The following FAM240C variants were observed in gnomAD, a reference collection of about 807,000 sequenced individuals.
FAM240C encodes the protein family with sequence similarity 240 member C, also known as protein FAM240C.
In FAM240C, 14 loss-of-function variants were observed where a neutral mutation model predicts 10.0. The observed-to-expected ratio is 1.40, with a 90% CI of 0.92 to 2.19. FAM240C has a LOEUF of 2.19. Ranked by LOEUF, FAM240C falls within the 30% of genes most tolerant of loss-of-function variation. The probability of loss-of-function intolerance (pLI) is 0.00; values close to 1 mark genes in which losing one functional copy is unlikely to be tolerated. For missense variants in FAM240C, 154 were observed against 122.3 expected (o/e 1.26, Z -1.22); for synonymous variants, 49 against 44.3 (o/e 1.11, Z -0.42).
intron 1 of FAM240C, among the ~76,000 whole-genome samples, chr2:241,897,536 A>C (rs1701883112): frequency 6.6e-6 from 1 of 152,072 alleles, no homozygotes; most frequent in African/African-American, 2.4e-5. Context: ...TAAACGCTCT[A>C]CCGGCTCCAC....
intron 2 of FAM240C, among the ~76,000 whole-genome samples, chr2:241,896,938 G>A (rs1465783332): frequency 6.6e-6 from 1 of 151,748 alleles, no homozygotes; most frequent in Non-Finnish European, 1.5e-5. Flanking sequence ...TGAGCTCCTG[G>A]TCTCACGGTT....
chr2:241,897,531 G>A (rs958902614), intron 1 of FAM240C, among the ~76,000 whole-genome samples, 197 bp from the exon 2 acceptor site: 2 of 152,100 alleles, frequency 1.3e-5, no homozygotes, highest in South Asian at 2.1e-4. Context: ...GCTCCTAAAC[G>A]CTCTACCGGC....
chr2:241,901,921 A>C (rs1701992135), upstream of FAM240C, among the ~76,000 whole-genome samples: 1 of 152,328 alleles, frequency 6.6e-6, no homozygotes, highest in Middle Eastern at 3.4e-3. The surrounding 1 kb of genome is among the most constrained non-coding windows in gnomAD (Gnocchi z 4.9). Context: ...CTACACTTCA[A>C]AACTTGTCCT....
chr2:241,900,430 G>T lies in FAM240C; in HGVS notation c.-61C>A. On this transcript the variant is annotated 5_prime_UTR_variant, in exon 1 of 3. Transcript: ENST00000404031. This position sits in a 1 kb window ranked among gnomAD's most constrained non-coding sequence, Gnocchi z 4.5. ...AGGGTCCTCAGCCTGTCCTCTCCGGGGTGCACGCCTGTATCTCGCCTGCCG... is the reference window on the plus strand; with the variant it reads ...AGGGTCCTCAGCCTGTCCTCTCCGGTGTGCACGCCTGTATCTCGCCTGCCG... The T allele has an allele frequency of 1.4e-6, 1 of 715,342 alleles. No individual in the cohort carries two copies. The highest frequency in any genetic ancestry group is 2.6e-6 in the Non-Finnish European group (1 of 384,216). The allele number at this position is 715,342 out of a possible 1,614,324, so 44.3% of individuals were successfully genotyped here.
intron 1 of FAM240C, among the ~76,000 whole-genome samples, chr2:241,899,909 T>C (rs1701940130): frequency 6.6e-6 from 1 of 151,746 alleles, no homozygotes; most frequent in Non-Finnish European, 1.5e-5. Flanking sequence ...TCACTAAAAA[T>C]ACAAAAAATT....
chr2:241,899,553 G>A lies in FAM240C; in HGVS notation c.12+805C>T, dbSNP rs144771466. On this transcript the variant is annotated intron_variant, in intron 1 of 2. Transcript: ENST00000404031. ...TCTGGTGTCTGGGCAGACGCCTCCCGGAGTGAAGCTGGGGCTGGTGTCAGA... is the reference window on the plus strand; with the variant it reads ...TCTGGTGTCTGGGCAGACGCCTCCCAGAGTGAAGCTGGGGCTGGTGTCAGA... Among the ~76,000 whole-genome samples the A allele has an allele frequency of 2.6e-3, 394 of 152,338 alleles. 1 individual carries two copies. The highest frequency in any genetic ancestry group is 8.8e-3 in the African/African-American group (367 of 41,580).
chr2:241,894,927 G>A (rs1480287955), intron 2 of FAM240C, among the ~76,000 whole-genome samples: 2 of 152,212 alleles, frequency 1.3e-5, no homozygotes, highest in Non-Finnish European at 2.9e-5. Context: ...CGGACCTGGC[G>A]GCAGGAATGG....
At chr2:241,895,186 C>T (rs1020996457) in intron 2 of FAM240C, among the ~76,000 whole-genome samples, 1 of 152,226 alleles carries the variant, frequency 6.6e-6, no homozygotes, top group South Asian at 2.1e-4. Context: ...TGATGGTCCC[C>T]GAGCAACAGC....
intron 2 of FAM240C, among the ~76,000 whole-genome samples, chr2:241,894,810 C>A (rs547435342): frequency 4.6e-4 from 70 of 152,320 alleles, no homozygotes; most frequent in African/African-American, 1.7e-3. Flanking sequence ...GCACCCTGCC[C>A]GGCTGCCTGT....
At chr2:241,895,256 A>C (rs571675181) in intron 2 of FAM240C, among the ~76,000 whole-genome samples, 1 of 145,134 alleles carries the variant, frequency 6.9e-6, no homozygotes, top group East Asian at 2.0e-4. Context: ...AGCTCCATGC[A>C]TGAGAGGGTC....
chr2:241,895,568 G>T (rs1254159950), intron 2 of FAM240C, among the ~76,000 whole-genome samples: 1 of 152,238 alleles, frequency 6.6e-6, no homozygotes. Context: ...GGCTTCATGC[G>T]GGGAGGAAAG....
intron 1 of FAM240C, chr2:241,899,243 G>C: frequency 7.7e-7 from 1 of 1,302,248 alleles, no homozygotes; most frequent in Non-Finnish European, 1.0e-6. Flanking sequence ...CAGAGGCGCG[G>C]GCGCTGTGGC....
chr2:241,894,534 C>T (rs7584541), intron 2 of FAM240C, among the ~76,000 whole-genome samples, 195 bp from the exon 3 acceptor site: 7,808 of 134,982 alleles, frequency 0.058, 811 homozygotes, highest in African/African-American at 0.21. Context: ...CCTGGGATCT[C>T]GTGGCCGGCC....
chr2:241,897,335 C>G lies in FAM240C; in HGVS notation c.13-1G>C. ...TAAGAGTGAGGCTTTTACTCATGTT[C>G]TGGAAAATAAAAAGTGGAGAAGAGC... On this transcript the variant is annotated splice_acceptor_variant, in intron 1 of 2. Coordinates refer to ENST00000404031, the MANE Select transcript of FAM240C (RefSeq NM_001382368.1). LOFTEE classifies it high-confidence loss of function. 1 of 1,549,188 alleles carries G rather than the reference C, an allele frequency of 6.5e-7. No individual in the cohort carries two copies. The highest frequency in any genetic ancestry group is 1.2e-5 in the South Asian group (1 of 84,062).
In FAM240C at chr2:241,897,245, C is replaced by T. The variant is rs1470863198; in HGVS notation, c.102G>A (p.Glu34=). Residue 34 remains glutamate, a synonymous_variant, in exon 2 of 3, where the codon GAG becomes GAA. Coordinates refer to ENST00000404031, the MANE Select transcript of FAM240C (RefSeq NM_001382368.1). The stretch of plus-strand genomic sequence containing the variant: ...CGTTCTGCAGGTGTCTTGCGTGATG[C>T]TCGATTTTTTTCTCCCAAAACATCT... ...GIKMFWEKKI[E]HHARHLQNED... is the part of the protein sequence containing the mutation. 1 of 1,549,840 alleles carries T rather than the reference C, an allele frequency of 6.5e-7. No homozygotes were observed. Among genetic ancestry groups the T allele is most frequent in the South Asian group, 1.2e-5 (1 of 84,070 alleles).
upstream of FAM240C, among the ~76,000 whole-genome samples, chr2:241,901,382 A>C (rs1174326778): frequency 6.6e-6 from 1 of 152,176 alleles, no homozygotes; most frequent in African/African-American, 2.4e-5. The surrounding 1 kb of genome is among the most constrained non-coding windows in gnomAD (Gnocchi z 4.9). Context: ...TGAGGTTTCC[A>C]AGTCATTGAT....
At chr2:241,895,584 C>G (rs1701776323) in intron 2 of FAM240C, among the ~76,000 whole-genome samples, 1 of 152,250 alleles carries the variant, frequency 6.6e-6, no homozygotes, top group Non-Finnish European at 1.5e-5. Flanking sequence ...GAAAGTTAGG[C>G]TACTCTCTAA....
chr2:241,899,494 G>C (rs1217519660), intron 1 of FAM240C, among the ~76,000 whole-genome samples: 4 of 152,232 alleles, frequency 2.6e-5, no homozygotes, highest in African/African-American at 9.6e-5. Flanking sequence ...AGTCAGGGCC[G>C]GGCCCAGCTG....
chr2:241,895,614 C>T (rs1701777104), intron 2 of FAM240C, among the ~76,000 whole-genome samples: 1 of 152,232 alleles, frequency 6.6e-6, no homozygotes, highest in South Asian at 2.1e-4. Context: ...TAAGAGTGAC[C>T]TCCTTAAAAG....
Sources: allele counts gnomAD v4.1 joint callset (sites outside exome capture counted in the v4.1 genomes callset), GRCh38; gene constraint gnomAD v4.1.1; non-coding constraint Gnocchi (gnomAD v3.1); transcripts MANE v1.5; gene names NCBI Gene and HGNC (gene_info 2026-07-23, HGNC 2026-07-21).